The following FAM50B variants were observed in gnomAD, a reference collection of about 807,000 sequenced individuals.
FAM50B encodes protein FAM50B.
Under a neutral mutation model 25.4 loss-of-function variants are expected in FAM50B, and 9 were observed. The observed-to-expected ratio is 0.35, with a 90% CI of 0.21 to 0.62. FAM50B has a LOEUF of 0.62. Among genes scored for constraint, FAM50B ranks in the 20% least tolerant of loss-of-function variants. The probability of loss-of-function intolerance (pLI) is 0.73; values close to 1 mark genes in which losing one functional copy is unlikely to be tolerated. For synonymous variants in FAM50B, 212 were observed against 204.3 expected (o/e 1.04, Z -0.32); for missense variants, 372 against 477.9 (o/e 0.78, Z 2.07).
the FAM50B span, among the ~76,000 whole-genome samples, chr6:3,843,351 G>A: frequency 2.0e-5 from 3 of 152,226 alleles, no homozygotes; most frequent in East Asian, 5.8e-4. Flanking sequence ...TTTTTTGTTT[G>A]TGAAAATAAC....
the FAM50B span, among the ~76,000 whole-genome samples, chr6:3,840,151 C>A: frequency 6.6e-6 from 1 of 152,088 alleles, no homozygotes; most frequent in African/African-American, 2.4e-5. Flanking sequence ...CACCACCATG[C>A]CCAACTAATT....
chr6:3,849,886 G>A lies in FAM50B; in HGVS notation c.75G>A (p.Arg25=). The change falls in exon 2 of 2, where the codon CGG becomes CGA. Residue 25 remains arginine, a synonymous_variant. Coordinates refer to ENST00000648326, the MANE Select transcript of FAM50B (RefSeq NM_012135.3). ...MHLLKKRERQ[R]EQMEVLKQRI... is the part of the protein sequence containing the mutation. Reference sequence around the variant, plus strand: ...TCCTCAAGAAGCGCGAAAGGCAGCGGGAGCAGATGGAGGTGCTGAAGCAGC... The same window carrying A: ...TCCTCAAGAAGCGCGAAAGGCAGCGAGAGCAGATGGAGGTGCTGAAGCAGC... 2 of 1,613,772 alleles carry A rather than the reference G, an allele frequency of 1.2e-6. No homozygotes were observed. The highest frequency in any genetic ancestry group is 1.7e-6 in the Non-Finnish European group (2 of 1,179,992).
chr6:3,845,810 G>A (rs1339961263), upstream of FAM50B, among the ~76,000 whole-genome samples: 1 of 152,178 alleles, frequency 6.6e-6, no homozygotes, highest in Admixed American at 6.5e-5. Flanking sequence ...CATCTCCTGG[G>A]TTGAAGCAAT....
chr6:3,834,759 A>AAT, the FAM50B span, among the ~76,000 whole-genome samples: 4 of 152,204 alleles, frequency 2.6e-5, no homozygotes, highest in African/African-American at 9.6e-5. Context: ...CTTACATTGA[A>AAT]ATATATATCG....
chr6:3,850,120 G>A lies in FAM50B; in HGVS notation c.309G>A (p.Arg103=), dbSNP rs1311640450. The part of the protein sequence containing the change: ...HLEEQRLQQE[R]QREQEQRRER... ...AGGAGCAGCGGCTGCAGCAGGAGCG[G>A]CAGCGGGAGCAGGAGCAGCGGCGCG... is the stretch of plus-strand genomic sequence containing the variant. The change falls in exon 2 of 2, where the codon CGG becomes CGA. Residue 103 remains arginine, a synonymous_variant. Transcript: ENST00000648326. 6.2e-7 allele frequency: 1 copy of A among 1,609,548 alleles called. No individual in the cohort carries two copies. The highest frequency in any genetic ancestry group is 8.5e-7 in the Non-Finnish European group (1 of 1,178,640).
chr6:3,841,133 G>A, the FAM50B span, among the ~76,000 whole-genome samples: 2 of 152,238 alleles, frequency 1.3e-5, no homozygotes, highest in Non-Finnish European at 2.9e-5. Context: ...CGACCTGTTA[G>A]GAGCCGCAAC....
At chr6:3,838,317 G>T in the FAM50B span, among the ~76,000 whole-genome samples, 2 of 150,896 alleles carry the variant, frequency 1.3e-5, no homozygotes, top group African/African-American at 4.9e-5. Context: ...TCTTTTTTAA[G>T]AAAACTAAAA....
the FAM50B span, among the ~76,000 whole-genome samples, chr6:3,842,477 G>T: frequency 6.6e-6 from 1 of 152,186 alleles, no homozygotes; most frequent in Non-Finnish European, 1.5e-5. Flanking sequence ...ATTCTAGGCA[G>T]GCTTCTGACT....
At chr6:3,835,859 T>C in the FAM50B span, among the ~76,000 whole-genome samples, 2 of 152,226 alleles carry the variant, frequency 1.3e-5, no homozygotes, top group Non-Finnish European at 2.9e-5. Context: ...CGCGGGACTA[T>C]TTCCACTCTG....
chr6:3,843,228 C>A, the FAM50B span, among the ~76,000 whole-genome samples: 2 of 152,082 alleles, frequency 1.3e-5, no homozygotes, highest in African/African-American at 4.8e-5. Context: ...TGATTAGTCA[C>A]AACATAGCAA....
At chr6:3,840,085 C>T in the FAM50B span, among the ~76,000 whole-genome samples, 1 of 152,154 alleles carries the variant, frequency 6.6e-6, no homozygotes, top group Non-Finnish European at 1.5e-5. Flanking sequence ...CTCAGCCTCC[C>T]GGGTTCACGC....
upstream of FAM50B, among the ~76,000 whole-genome samples, chr6:3,845,816 G>A (rs956353975): frequency 1.3e-5 from 2 of 152,200 alleles, no homozygotes; most frequent in Admixed American, 6.5e-5. Context: ...CTGGGTTGAA[G>A]CAATTCTTCT....
At chr6:3,836,938 C>T in the FAM50B span, among the ~76,000 whole-genome samples, 1 of 152,164 alleles carries the variant, frequency 6.6e-6, no homozygotes, top group African/African-American at 2.4e-5. Flanking sequence ...CATAGATTCG[C>T]ATTATCAAGA....
chr6:3,838,025 G>A, the FAM50B span, among the ~76,000 whole-genome samples: 1 of 152,182 alleles, frequency 6.6e-6, no homozygotes, highest in Non-Finnish European at 1.5e-5. Flanking sequence ...AGAGGAACTG[G>A]AACTCTCATA....
chr6:3,839,990 T>TTTGTTTGTTTG, the FAM50B span, among the ~76,000 whole-genome samples: 7 of 149,722 alleles, frequency 4.7e-5, no homozygotes, highest in South Asian at 1.5e-3. Context: ...GTTGTTGTTG[T>TTTGTTTGTTTG]TTGTTTGTTT....
At chr6:3,849,231 A>G (rs958276989), upstream of FAM50B, among the ~76,000 whole-genome samples, 3 of 152,144 alleles carry the variant, frequency 2.0e-5, no homozygotes, top group Non-Finnish European at 4.4e-5. Flanking sequence ...CACCGCCCCT[A>G]CCAGGAGCCC....
At chr6:3,843,406 T>C in the FAM50B span, among the ~76,000 whole-genome samples, 1 of 152,234 alleles carries the variant, frequency 6.6e-6, no homozygotes, top group Non-Finnish European at 1.5e-5. Flanking sequence ...TATAAAACCA[T>C]GTTCCATTCT....
chr6:3,844,214 A>G, the FAM50B span, among the ~76,000 whole-genome samples: 1 of 152,146 alleles, frequency 6.6e-6, no homozygotes, highest in African/African-American at 2.4e-5. Context: ...TGCATATTTT[A>G]CTTTGTGACT....
chr6:3,849,740 C>A, intron 1 of FAM50B, 49 bp from the exon 2 acceptor site: 1 of 1,500,984 alleles, frequency 6.7e-7, no homozygotes, highest in Non-Finnish European at 8.9e-7. Context: ...CATTCCCCGC[C>A]GTTGCGTGGG....
Sources: allele counts gnomAD v4.1 joint callset (sites outside exome capture counted in the v4.1 genomes callset), GRCh38; gene constraint gnomAD v4.1.1; transcripts MANE v1.5; gene names NCBI Gene and HGNC (gene_info 2026-07-23, HGNC 2026-07-21).